The following IGF1 variants were observed in gnomAD, a reference collection of about 807,000 sequenced individuals.
The protein encoded by IGF1 is insulin-like growth factor 1.
IGF1 carries 4 observed loss-of-function variants against 13.8 expected under a neutral mutation model. That is an observed-to-expected ratio of 0.29 (90% CI 0.14 to 0.66). The LOEUF (loss-of-function observed/expected upper bound fraction) is 0.66, where lower values mean the gene tolerates loss of function less well. Ranked by LOEUF, IGF1 falls within the 30% of genes least tolerant of loss-of-function variation. The probability of loss-of-function intolerance (pLI) is 0.78; values close to 1 mark genes in which losing one functional copy is unlikely to be tolerated. For missense variants in IGF1, 124 were observed against 188.5 expected (o/e 0.66, Z 2.00); for synonymous variants, 76 against 72.6 (o/e 1.05, Z -0.23).
At chr12:102,422,937 T>A (rs1356578915) in intron 2 of IGF1, 1 of 152,172 alleles carries the variant, frequency 6.6e-6, no homozygotes, top group East Asian at 1.9e-4. Context: ...GGGACAGATT[T>A]CAATGAAAAG....
In IGF1 at chr12:102,475,815, A is replaced by C. The variant is rs751694540; in HGVS notation, c.64-16T>G. 13 of 1,605,728 alleles carry C rather than the reference A, an allele frequency of 8.1e-6. No homozygotes were observed. The highest frequency in any genetic ancestry group is 6.8e-5 in the Admixed American group (4 of 58,708). On this transcript the variant is annotated splice_polypyrimidine_tract_variant and intron_variant, in intron 1 of 3. Coordinates refer to ENST00000337514, the MANE Select transcript of IGF1 (RefSeq NM_000618.5). The stretch of plus-strand genomic sequence containing the variant: ...GCATCTTCACCTGCCCAAGAAACAG[A>C]GGGAGGGTCAGGTTTCCTCCTTGAT...
chr12:102,401,634 C>G lies in IGF1; in HGVS notation c.*873G>C, dbSNP rs1303843426. The G allele has an allele frequency of 6.6e-6, 1 of 152,592 alleles. No individual in the cohort carries two copies. Among genetic ancestry groups the G allele is most frequent in the Non-Finnish European group, 1.5e-5 (1 of 68,040 alleles). The allele number at this position is 152,592 out of a possible 1,614,324, so 9.5% of individuals were successfully genotyped here. Reference sequence around the variant, plus strand: ...ATACTAAAAAACAGAGTTTTACATACTGTTTGATATATCCTGTATAATTGA... The same window carrying G: ...ATACTAAAAAACAGAGTTTTACATAGTGTTTGATATATCCTGTATAATTGA... On this transcript the variant is annotated 3_prime_UTR_variant, in exon 4 of 4. Coordinates refer to ENST00000337514, the MANE Select transcript of IGF1 (RefSeq NM_000618.5).
At position 102,398,756 on chromosome 12, in the gene IGF1, A is replaced by G. The variant is rs1398559086; in HGVS notation, c.*3751T>C. ...CTATCTATAGAATTGTTGTTTTTAT[A>G]CTTTAAAAAAATATGTCTATGCTTT... On this transcript the variant is annotated 3_prime_UTR_variant, in exon 4 of 4. Transcript: ENST00000337514. 1 of 151,870 alleles carries G rather than the reference A, an allele frequency of 6.6e-6. No individual in the cohort carries two copies. The highest frequency in any genetic ancestry group is 2.4e-5 in the African/African-American group (1 of 41,334). 9.4% of individuals were successfully genotyped at this position (151,870 alleles called of 1,614,324 possible). A position where few individuals can be genotyped will look rare whatever the true frequency, so the allele number is the denominator to read the frequency against.
intron 1 of IGF1, among the ~76,000 whole-genome samples, chr12:102,477,465 T>G (rs9282710): frequency 6.6e-6 from 1 of 151,510 alleles, no homozygotes; most frequent in East Asian, 1.9e-4. Context: ...GATCTCCGCA[T>G]GGAAATCTTC....
At chr12:102,467,698 T>G (rs529957930) in intron 2 of IGF1, among the ~76,000 whole-genome samples, 19 of 152,304 alleles carry the variant, frequency 1.2e-4, no homozygotes, top group African/African-American at 4.3e-4. Flanking sequence ...ACCAACAAGA[T>G]CTATGCTCAT....
rs1873321870 is a variant in IGF1 at position 102,397,600 on chromosome 12, A to C, written c.*4907T>G. 1 of 152,222 alleles carries C rather than the reference A, an allele frequency of 6.6e-6. No individual in the cohort carries two copies. The highest frequency in any genetic ancestry group is 2.1e-4 in the South Asian group (1 of 4,832). The allele number at this position is 152,222 out of a possible 1,614,324, so 9.4% of individuals were successfully genotyped here. A position where few individuals can be genotyped will look rare whatever the true frequency, so the allele number is the denominator to read the frequency against. On this transcript the variant is annotated 3_prime_UTR_variant, in exon 4 of 4. Coordinates refer to ENST00000337514, the MANE Select transcript of IGF1 (RefSeq NM_000618.5). Reference sequence around the variant, plus strand: ...AAAATATTAAAATAGCAATAAGCAAATATGTACTACAGGATTAAACACTAG... The same window carrying C: ...AAAATATTAAAATAGCAATAAGCAACTATGTACTACAGGATTAAACACTAG...
chr12:102,470,852 C>A (rs747137454), intron 2 of IGF1, among the ~76,000 whole-genome samples: 3 of 152,148 alleles, frequency 2.0e-5, no homozygotes, highest in Non-Finnish European at 4.4e-5. Flanking sequence ...GGTTTAGAAA[C>A]CTGTAGATTC....
chr12:102,474,853 T>G (rs1320378439), intron 2 of IGF1, among the ~76,000 whole-genome samples: 1 of 152,210 alleles, frequency 6.6e-6, no homozygotes, highest in Non-Finnish European at 1.5e-5. Flanking sequence ...TTGTGTGTAT[T>G]ATTTATACGC....
At chr12:102,448,240 G>A (rs1448751100) in intron 2 of IGF1, among the ~76,000 whole-genome samples, 22 of 147,426 alleles carry the variant, frequency 1.5e-4, no homozygotes, top group African/African-American at 1.8e-4. Flanking sequence ...ACATGCACAC[G>A]TATGTTTATT....
intron 2 of IGF1, among the ~76,000 whole-genome samples, chr12:102,474,890 G>A (rs1276521327): frequency 6.6e-6 from 1 of 152,088 alleles, no homozygotes; most frequent in Admixed American, 6.5e-5. Context: ...ACTTTTTACT[G>A]GCTGTTGACT....
Position 102,421,541 on chromosome 12 carries a change from CTT to C in IGF1, c.221-1853_221-1852del, listed in dbSNP as rs577029839. Among the ~76,000 whole-genome samples, 40 of 152,232 alleles carry C rather than the reference CTT, an allele frequency of 2.6e-4. No individual in the cohort carries two copies. In the East Asian group the frequency reaches 6.8e-3, roughly 26 times the overall value. On this transcript the variant is annotated intron_variant, in intron 2 of 3. Coordinates refer to ENST00000337514, the MANE Select transcript of IGF1 (RefSeq NM_000618.5). ...TGGGTGGGGAGGAAGGAAAAGGTGA[CTT>C]GGCCTATTTTGTGATCATTGTATCT...
chr12:102,456,164 C>G (rs1197468834), intron 2 of IGF1, among the ~76,000 whole-genome samples: 2 of 151,666 alleles, frequency 1.3e-5, no homozygotes, highest in Non-Finnish European at 2.9e-5. Context: ...AAGTTTTGCC[C>G]CCTTTTAAAT....
At chr12:102,467,828 C>A (rs532060255) in intron 2 of IGF1, among the ~76,000 whole-genome samples, 4 of 152,288 alleles carry the variant, frequency 2.6e-5, no homozygotes, top group African/African-American at 9.6e-5. Flanking sequence ...AAAAGAGAAT[C>A]ACAGTATCTT....
intron 2 of IGF1, among the ~76,000 whole-genome samples, chr12:102,420,066 C>A (rs955534550): frequency 6.6e-6 from 1 of 152,170 alleles, no homozygotes; most frequent in East Asian, 1.9e-4. Context: ...TTGTTGGCAA[C>A]GCTGCATTGC....
At chr12:102,461,161 A>AAATAAATAAAATGAC (rs1407631063) in intron 2 of IGF1, among the ~76,000 whole-genome samples, 1 of 152,222 alleles carries the variant, frequency 6.6e-6, no homozygotes, top group Non-Finnish European at 1.5e-5. Context: ...TTCAAGAAAT[A>AAATAAATAAAATGAC]CAAGTTAAAA....
At chr12:102,433,114 T>C (rs1435296932) in intron 2 of IGF1, among the ~76,000 whole-genome samples, 1 of 152,186 alleles carries the variant, frequency 6.6e-6, no homozygotes, top group Non-Finnish European at 1.5e-5. Flanking sequence ...ATCTGGTGTC[T>C]CTCCACCTTT....
At chr12:102,479,934 A>G (rs1466416313) in intron 1 of IGF1, among the ~76,000 whole-genome samples, 1 of 151,604 alleles carries the variant, frequency 6.6e-6, no homozygotes, top group Non-Finnish European at 1.5e-5. Flanking sequence ...CACACATGCA[A>G]AAGAACATGG....
chr12:102,413,902 T>C (rs1165937509), intron 3 of IGF1, among the ~76,000 whole-genome samples: 2 of 152,068 alleles, frequency 1.3e-5, no homozygotes, highest in East Asian at 3.9e-4. Context: ...GTTCTCTGGG[T>C]TGGAATGGTT....
chr12:102,411,993 C>T (rs976905898), intron 3 of IGF1, among the ~76,000 whole-genome samples: 7 of 152,158 alleles, frequency 4.6e-5, no homozygotes, highest in Admixed American at 2.6e-4. Flanking sequence ...TGTAATGGGT[C>T]AATAATTAGA....
Sources: gnomAD v4.1 joint callset for allele counts (sites outside exome capture counted in the v4.1 genomes callset) on GRCh38, gnomAD v4.1.1 for gene constraint, MANE v1.5 for transcripts, NCBI Gene and HGNC (gene_info 2026-07-23, HGNC 2026-07-21) for gene names.